The following ARHGEF7 variants were observed in gnomAD, a reference collection of about 807,000 sequenced individuals.
ARHGEF7 encodes PAK-interacting exchange factor beta.
A neutral mutation model predicts 109.8 loss-of-function variants in ARHGEF7; 33 were observed. That is an observed-to-expected ratio of 0.30 (90% CI 0.23 to 0.40). The LOEUF is 0.40. Among genes scored for constraint, ARHGEF7 ranks in the 10% least tolerant of loss-of-function variants. The pLI is 1.00. For synonymous variants in ARHGEF7, 458 were observed against 424.6 expected, an observed-to-expected ratio of 1.08 and a Z score of -0.97; for missense variants, 938 against 1,098.5, an observed-to-expected ratio of 0.85 and a Z score of 2.07.
In ARHGEF7 at chr13:111,228,818, C is replaced by T. The variant is rs528028942; in HGVS notation, c.671-4387C>T. Reference sequence around the variant, plus strand: ...CCCAGCACAGAAGGTCGGAAGAGGACGTGGGAATTCCGAGTTTTTCAGGGC... The same window carrying T: ...CCCAGCACAGAAGGTCGGAAGAGGATGTGGGAATTCCGAGTTTTTCAGGGC... On this transcript the variant is annotated intron_variant, in intron 5 of 21. Coordinates refer to ENST00000646102, the MANE Select transcript of ARHGEF7 (RefSeq NM_001354046.2). The surrounding 1 kb of genome is among the most constrained non-coding windows in gnomAD (Gnocchi z 4.6). 2.0e-5 allele frequency among the ~76,000 whole-genome samples: 3 copies of T among 152,020 alleles called. No homozygotes were observed. Among genetic ancestry groups the T allele is most frequent in the South Asian group, 2.1e-4 (1 of 4,808 alleles).
chr13:111,200,032 T>A (rs2081030961), intron 2 of ARHGEF7, among the ~76,000 whole-genome samples: 1 of 152,194 alleles, frequency 6.6e-6, no homozygotes, highest in African/African-American at 2.4e-5. Context: ...ATGTTACGGG[T>A]ACTTGCTTTC....
intron 2 of ARHGEF7, among the ~76,000 whole-genome samples, chr13:111,178,688 AC>A (rs2078411601): frequency 6.6e-6 from 1 of 152,216 alleles, no homozygotes; most frequent in Non-Finnish European, 1.5e-5. Context: ...AGCTGCCGGT[AC>A]CCACCCAGCT....
chr13:111,292,505 T>G (rs2093320866), intron 19 of ARHGEF7: 1 of 1,428,332 alleles, frequency 7.0e-7, no homozygotes, highest in African/African-American at 1.4e-5. Context: ...GAGTATACAT[T>G]CGAATGACTG....
chr13:111,212,347 C>T (rs116936567), intron 4 of ARHGEF7, among the ~76,000 whole-genome samples: 2,495 of 152,136 alleles, frequency 0.016, 28 homozygotes, highest in Admixed American at 0.024. Context: ...TGATGGGCCT[C>T]GGTGGTGAAG....
At chr13:111,127,185 A>C (rs1158039907) in intron 1 of ARHGEF7, among the ~76,000 whole-genome samples, 1 of 152,230 alleles carries the variant, frequency 6.6e-6, no homozygotes, top group East Asian at 1.9e-4. Flanking sequence ...CTTTCTTGGA[A>C]GACACGAAGC....
At chr13:111,174,802 G>T (rs774843387) in intron 2 of ARHGEF7, among the ~76,000 whole-genome samples, 20 of 152,178 alleles carry the variant, frequency 1.3e-4, no homozygotes, top group Non-Finnish European at 1.0e-4. Flanking sequence ...GGAAACACCG[G>T]GAGGTCCTTG....
intron 2 of ARHGEF7, among the ~76,000 whole-genome samples, chr13:111,174,695 C>A (rs541037172): frequency 6.6e-6 from 1 of 152,192 alleles, no homozygotes; most frequent in Non-Finnish European, 1.5e-5. Context: ...GAAAACACAC[C>A]TTCTGGGTTT....
intron 1 of ARHGEF7, among the ~76,000 whole-genome samples, chr13:111,123,295 A>G (rs115279406): frequency 0.013 from 1,903 of 152,190 alleles, 44 homozygotes; most frequent in African/African-American, 0.042. Flanking sequence ...ATGGAGGAGA[A>G]CTCAGTTGTC....
intron 19 of ARHGEF7, chr13:111,293,806 C>T (rs1358444817): frequency 2.0e-6 from 2 of 985,264 alleles, no homozygotes; most frequent in African/African-American, 3.5e-5. Flanking sequence ...CCCACGTATT[C>T]AGTGTTCTGA....
At chr13:111,223,769 A>G (rs1251157219) in intron 5 of ARHGEF7, among the ~76,000 whole-genome samples, 3 of 152,144 alleles carry the variant, frequency 2.0e-5, no homozygotes, top group Non-Finnish European at 2.9e-5. Flanking sequence ...TATGTACAGT[A>G]CAGTCTTATG....
At chr13:111,238,235 T>C (rs778920723) in intron 6 of ARHGEF7, among the ~76,000 whole-genome samples, 4 of 152,190 alleles carry the variant, frequency 2.6e-5, no homozygotes, top group African/African-American at 9.7e-5. Context: ...GTGGAAGGTG[T>C]ACAGCCTTTT....
chr13:111,280,660 T>A lies in ARHGEF7; in HGVS notation c.1708T>A (p.Ser570Thr). 1 of 1,601,326 alleles carries A rather than the reference T, an allele frequency of 6.2e-7. No individual in the cohort carries two copies. The highest frequency in any genetic ancestry group is 1.1e-5 in the South Asian group (1 of 88,636). Residue 570 changes from serine (S) to threonine (T), a missense_variant, in exon 15 of 22, where the codon TCA becomes ACA. Physicochemically the swap from Ser to Thr is moderately conservative, Grantham distance 58. This residue lies in a region of ARHGEF7 where 585 missense variants were observed against 723.6 expected (regional missense o/e 0.81). Coordinates refer to ENST00000646102, the MANE Select transcript of ARHGEF7 (RefSeq NM_001354046.2). ...GGGAAACCCCACCATAAAGCCTCAT[T>A]CAGTGCCATCTCATACCGTAAGGAC... is the stretch of plus-strand genomic sequence containing the variant. ...SVGNPTIKPH[S>T]VPSHTLPSHP...
intron 8 of ARHGEF7, among the ~76,000 whole-genome samples, chr13:111,259,767 C>T (rs1017938753): frequency 5.3e-5 from 8 of 152,044 alleles, no homozygotes; most frequent in Admixed American, 1.3e-4. Flanking sequence ...AACAGGAACT[C>T]GCCAAATAAA....
At chr13:111,176,671 T>C (rs1409997915) in intron 2 of ARHGEF7, among the ~76,000 whole-genome samples, 1 of 152,230 alleles carries the variant, frequency 6.6e-6, no homozygotes, top group Non-Finnish European at 1.5e-5. Context: ...TGTCCTCCTC[T>C]TGTCCCCCAT....
chr13:111,195,727 G>A (rs2080421132), intron 2 of ARHGEF7, among the ~76,000 whole-genome samples: 1 of 152,200 alleles, frequency 6.6e-6, no homozygotes, highest in African/African-American at 2.4e-5. Flanking sequence ...ACATGGATGA[G>A]GGGGTGGCTT....
At chr13:111,218,154 G>A (rs909667443) in intron 5 of ARHGEF7, among the ~76,000 whole-genome samples, 2 of 151,914 alleles carry the variant, frequency 1.3e-5, no homozygotes, top group Non-Finnish European at 2.9e-5. Flanking sequence ...CAGTTTTACT[G>A]TGAAAGAATT....
intron 8 of ARHGEF7, among the ~76,000 whole-genome samples, chr13:111,256,329 C>T (rs1401443137): frequency 2.6e-5 from 4 of 152,136 alleles, no homozygotes; most frequent in Admixed American, 1.3e-4. Context: ...GAACTGCGGG[C>T]GCTTTGATGT....
At chr13:111,143,920 T>A (rs1478444582) in intron 1 of ARHGEF7, 3 of 152,240 alleles carry the variant, frequency 2.0e-5, no homozygotes, top group Non-Finnish European at 4.4e-5. Context: ...AATGGTGAAA[T>A]GTATTCTGGG....
At chr13:111,161,731 C>CT (rs1187618937) in intron 2 of ARHGEF7, among the ~76,000 whole-genome samples, 1 of 147,952 alleles carries the variant, frequency 6.8e-6, no homozygotes, top group Non-Finnish European at 1.5e-5. Context: ...ATTAGTATTT[C>CT]TTTTTTGGTA....
Sources: gnomAD v4.1 joint callset for allele counts (sites outside exome capture counted in the v4.1 genomes callset) on GRCh38, gnomAD v4.1.1 for gene constraint, gnomAD v4.1.1 regional missense constraint, Gnocchi (gnomAD v3.1) non-coding constraint, MANE v1.5 for transcripts, NCBI Gene and HGNC (gene_info 2026-07-23, HGNC 2026-07-21) for gene names.